The following VPS53 variants were observed in gnomAD, a reference collection of about 807,000 sequenced individuals.
The protein encoded by VPS53 is vacuolar protein sorting-associated protein 53 homolog.
In VPS53, 70 loss-of-function variants were observed where a neutral mutation model predicts 107.0. The ratio of observed to expected loss-of-function variants is 0.65; its 90% CI spans 0.54 to 0.80. The LOEUF (loss-of-function observed/expected upper bound fraction) is 0.80, where lower values mean the gene tolerates loss of function less well. Ranked by LOEUF, VPS53 falls within the 30% of genes least tolerant of loss-of-function variation. The pLI is 0.00. For synonymous variants in VPS53, 409 were observed against 393.3 expected (o/e 1.04, Z -0.47); for missense variants, 917 against 1,049.4 (o/e 0.87, Z 1.74).
chr17:654,504 C>T (rs376086649), intron 6 of VPS53, among the ~76,000 whole-genome samples: 24 of 151,966 alleles, frequency 1.6e-4, no homozygotes, highest in South Asian at 1.3e-3. Flanking sequence ...TTTGGGAGGC[C>T]GAGGCGGGCA....
intron 11 of VPS53, among the ~76,000 whole-genome samples, chr17:610,143 A>T (rs1386465557): frequency 2.4e-5 from 3 of 125,280 alleles, no homozygotes; most frequent in Admixed American, 9.2e-5. Flanking sequence ...ACACACACAC[A>T]CACACACACA....
intron 4 of VPS53, among the ~76,000 whole-genome samples, chr17:672,768 A>G (rs1972015898): frequency 6.6e-6 from 1 of 152,250 alleles, no homozygotes; most frequent in South Asian, 2.1e-4. Flanking sequence ...AAGGGCTTGT[A>G]AGGAATACAT....
At chr17:528,363 G>A (rs1487359647) in intron 19 of VPS53, among the ~76,000 whole-genome samples, 1 of 152,154 alleles carries the variant, frequency 6.6e-6, no homozygotes, top group Non-Finnish European at 1.5e-5. Flanking sequence ...GTGGCTTTTT[G>A]TGTCTGGCTT....
chr17:697,749 A>C (rs1973034474), intron 3 of VPS53, among the ~76,000 whole-genome samples: 1 of 152,236 alleles, frequency 6.6e-6, no homozygotes, highest in Admixed American at 6.5e-5. Context: ...GAAAGGACTA[A>C]TAAAATCTGC....
intron 7 of VPS53, among the ~76,000 whole-genome samples, chr17:636,563 T>C (rs540408411): frequency 2.0e-5 from 3 of 152,234 alleles, no homozygotes; most frequent in South Asian, 2.1e-4. Flanking sequence ...TTGTCATAGA[T>C]AGCTCTTATT....
At chr17:633,766 G>A (rs888929581) in intron 7 of VPS53, among the ~76,000 whole-genome samples, 19 of 152,204 alleles carry the variant, frequency 1.2e-4, no homozygotes, top group African/African-American at 4.3e-4. Context: ...GTCTAGAGCT[G>A]TCCAGCAGAC....
intron 4 of VPS53, among the ~76,000 whole-genome samples, chr17:694,896 T>A (rs1001825857): frequency 6.6e-6 from 1 of 152,108 alleles, no homozygotes; most frequent in South Asian, 2.1e-4. Flanking sequence ...CGTAGAGACG[T>A]GTATTGCTAT....
chr17:647,692 G>C (rs1970764119), intron 7 of VPS53, among the ~76,000 whole-genome samples: 1 of 152,120 alleles, frequency 6.6e-6, no homozygotes, highest in South Asian at 2.1e-4. Flanking sequence ...ATGAGGGAAA[G>C]GGTGGCGATT....
Position 519,713 on chromosome 17 carries a change from C to T in VPS53, c.2328+113G>A. ...CTGAATCCGGTTTGCTCTGTGGAGC[C>T]AGGCACATGCATTTTGAGAAAGCCC... is the stretch of plus-strand genomic sequence containing the variant. On this transcript the variant is annotated intron_variant, in intron 21 of 21. Transcript: ENST00000437048. The surrounding 1 kb of genome is among the most constrained non-coding windows in gnomAD (Gnocchi z 5.0). 1.2e-6 allele frequency: 1 copy of T among 815,184 alleles called. No individual in the cohort carries two copies. The highest frequency in any genetic ancestry group is 2.7e-5 in the East Asian group (1 of 37,420). 50.5% of individuals were successfully genotyped at this position (815,184 alleles called of 1,614,324 possible).
chr17:662,559 C>T (rs1477802262), intron 4 of VPS53, among the ~76,000 whole-genome samples: 1 of 151,832 alleles, frequency 6.6e-6, no homozygotes, highest in East Asian at 1.9e-4. Flanking sequence ...CACAGTGGCA[C>T]GCACCTGTAG....
intron 4 of VPS53, among the ~76,000 whole-genome samples, chr17:677,075 G>A (rs1394536213): frequency 6.6e-6 from 1 of 152,162 alleles, no homozygotes; most frequent in East Asian, 1.9e-4. Flanking sequence ...AAATTACCAT[G>A]TGACCCAGCA....
intron 7 of VPS53, among the ~76,000 whole-genome samples, chr17:646,720 G>A (rs1235417383): frequency 4.3e-5 from 6 of 137,990 alleles, no homozygotes; most frequent in East Asian, 2.2e-4. Context: ...ACACATCTCC[G>A]TGACCGCGTG....
intron 13 of VPS53, 122 bp from the exon 14 acceptor site, chr17:562,867 T>A: frequency 8.9e-7 from 1 of 1,124,094 alleles, no homozygotes; most frequent in Non-Finnish European, 1.2e-6. Context: ...ATTTAAAACT[T>A]AAAATCGGAT....
chr17:707,113 T>C (rs1313367770), intron 2 of VPS53, among the ~76,000 whole-genome samples: 2 of 151,976 alleles, frequency 1.3e-5, no homozygotes, highest in African/African-American at 4.8e-5. Context: ...CTGAAGCCTC[T>C]ATGTTTATTT....
chr17:599,249 T>C (rs1968198290), intron 12 of VPS53, among the ~76,000 whole-genome samples: 1 of 151,538 alleles, frequency 6.6e-6, no homozygotes, highest in African/African-American at 2.4e-5. Context: ...GTCTGGGAGG[T>C]GTACCCAACA....
In VPS53 at chr17:586,223, G is replaced by C. The variant is rs1967305667; in HGVS notation, c.1313+47C>G. ...CGCTCCTAAGACCCAGTCATGACCA[G>C]AGCGGCGAGAAATGCAGGCAGAAAA... On this transcript the variant is annotated intron_variant, in intron 13 of 21. Transcript: ENST00000437048. 7 of 1,570,862 alleles carry C rather than the reference G, an allele frequency of 4.5e-6. No homozygotes were observed. In the East Asian group the frequency reaches 9.0e-5, roughly 20 times the overall value.
At chr17:669,512 G>A (rs1971844869) in intron 4 of VPS53, among the ~76,000 whole-genome samples, 2 of 151,460 alleles carry the variant, frequency 1.3e-5, no homozygotes, top group South Asian at 4.2e-4. Context: ...AGAATCACTT[G>A]AGCCCAGGAG....
intron 17 of VPS53, among the ~76,000 whole-genome samples, chr17:551,177 C>T (rs1027182233): frequency 5.3e-5 from 8 of 152,014 alleles, no homozygotes; most frequent in Admixed American, 2.6e-4. Context: ...TGTGCACTTA[C>T]GGAATTGACA....
In VPS53 at chr17:520,666, CGAG is replaced by C. The variant is rs1908667342; in HGVS notation, c.2224-739_2224-737del. On this transcript the variant is annotated intron_variant, in intron 20 of 21. Coordinates refer to ENST00000437048, the MANE Select transcript of VPS53 (RefSeq NM_001128159.3). The surrounding 1 kb of genome is among the most constrained non-coding windows in gnomAD (Gnocchi z 4.4). ...TTCCTGAGACTGAAGGGAAGAGTGGCGAGGAGGAGTTCACTCAGGCATCCTCTG... is the reference window on the plus strand; with the variant it reads ...TTCCTGAGACTGAAGGGAAGAGTGGCGAGGAGTTCACTCAGGCATCCTCTG... 6.6e-6 allele frequency among the ~76,000 whole-genome samples: 1 copy of C among 152,164 alleles called. No homozygotes were observed. The highest frequency in any genetic ancestry group is 1.5e-5 in the Non-Finnish European group (1 of 68,028).
Sources: allele counts gnomAD v4.1 joint callset (sites outside exome capture counted in the v4.1 genomes callset), GRCh38; gene constraint gnomAD v4.1.1; non-coding constraint Gnocchi (gnomAD v3.1); transcripts MANE v1.5; gene names NCBI Gene and HGNC (gene_info 2026-07-23, HGNC 2026-07-21).